Variants in PHACTR2 observed in about 807,000 individuals in gnomAD.
PHACTR2 encodes chromosome 6 open reading frame 56.
A neutral mutation model predicts 76.0 loss-of-function variants in PHACTR2; 30 were observed. That is an observed-to-expected ratio of 0.39 (90% CI 0.30 to 0.54). The LOEUF is 0.54. Among genes scored for constraint, PHACTR2 ranks in the 20% least tolerant of loss-of-function variants. PHACTR2 has a pLI of 0.61. For missense variants in PHACTR2, 696 were observed against 781.1 expected (o/e 0.89, Z 1.30); for synonymous variants, 292 against 292.5 (o/e 1.00, Z 0.02).
rs747983320 is a variant in PHACTR2, at chr6:143,774,194, A to G, written c.1568A>G (p.Gln523Arg). 6.2e-7 allele frequency: 1 copy of G among 1,614,102 alleles called. No individual in the cohort carries two copies. The highest frequency in any genetic ancestry group is 2.2e-5 in the East Asian group (1 of 44,890). Residue 523 changes from glutamine (Q) to arginine (R), a missense_variant, in exon 8 of 13, where the codon CAA (glutamine) becomes CGA (arginine). Gln to Arg is a conservative substitution (Grantham distance 43). Transcript: ENST00000440869. This position sits in a 1 kb window ranked among gnomAD's most constrained non-coding sequence, Gnocchi z 5.4. The stretch of plus-strand genomic sequence containing the variant: ...GAAGAGAGGCAGGAAATCCGACAAC[A>G]AATTGGAACCAAGTTAGTCAGGTAA... The part of the protein sequence containing the change: ...SEEERQEIRQ[Q>R]IGTKLVRRLS...
At chr6:143,650,322 A>G (rs931800194) in intron 1 of PHACTR2, among the ~76,000 whole-genome samples, 4 of 152,238 alleles carry the variant, frequency 2.6e-5, no homozygotes, top group Admixed American at 2.0e-4. Flanking sequence ...CAATCTTCAC[A>G]GAATTAGAAA....
rs1003578255 is a variant in PHACTR2, at chr6:143,755,468, A to G, written c.454+1556A>G. On this transcript the variant is annotated intron_variant, in intron 4 of 12. Coordinates refer to ENST00000440869, the MANE Select transcript of PHACTR2 (RefSeq NM_001100164.2). This position sits in a 1 kb window ranked among gnomAD's most constrained non-coding sequence, Gnocchi z 5.2. ...CAAAGGAAGTGTTTCCCTTATCAAC[A>G]TAATAAAAAGTTCCTGACAGTTTTA... The G allele has an allele frequency of 2.4e-4, 98 of 405,032 alleles. No homozygotes were observed. Among genetic ancestry groups the G allele is most frequent in the East Asian group, 5.8e-4 (8 of 13,880 alleles). 25.1% of individuals were successfully genotyped at this position (405,032 alleles called of 1,614,324 possible).
At chr6:143,717,253 C>A (rs928361540) in intron 2 of PHACTR2, among the ~76,000 whole-genome samples, 26 of 152,288 alleles carry the variant, frequency 1.7e-4, no homozygotes, top group African/African-American at 6.3e-4. Flanking sequence ...ACCAATCATT[C>A]AAGGGTCAGT....
rs1249483522 is a variant in PHACTR2 at position 143,809,891 on chromosome 6, CT to C, written c.1922+2762del. Among the ~76,000 whole-genome samples, 3 of 152,070 alleles carry C rather than the reference CT, an allele frequency of 2.0e-5. No individual in the cohort carries two copies. Among genetic ancestry groups the C allele is most frequent in the Non-Finnish European group, 4.4e-5 (3 of 68,016 alleles). On this transcript the variant is annotated intron_variant, in intron 12 of 12. Coordinates refer to ENST00000440869, the MANE Select transcript of PHACTR2 (RefSeq NM_001100164.2). The surrounding 1 kb of genome is among the most constrained non-coding windows in gnomAD (Gnocchi z 4.2). ...CTTGGGGAGGCCGAGGTGGGCAGAT[CT>C]TTTGAGCTCAGGAGTTCGAGACCAG...
intron 5 of PHACTR2, among the ~76,000 whole-genome samples, chr6:143,762,890 A>G (rs1374167271): frequency 1.3e-5 from 2 of 152,142 alleles, no homozygotes; most frequent in Admixed American, 6.5e-5. Context: ...TTTTTTTATC[A>G]TGCCCTTAAT....
Position 143,774,032 on chromosome 6 carries a change from G to A in PHACTR2, c.1433-27G>A. On this transcript the variant is annotated intron_variant, in intron 7 of 12. Coordinates refer to ENST00000440869, the MANE Select transcript of PHACTR2 (RefSeq NM_001100164.2). This position sits in a 1 kb window ranked among gnomAD's most constrained non-coding sequence, Gnocchi z 5.4. Reference sequence around the variant, plus strand: ...CCACTGGCTAAAAGCCTCTCTCTCTGCATTTCTGCTCTTTTTCAATCCTCA... The same window carrying A: ...CCACTGGCTAAAAGCCTCTCTCTCTACATTTCTGCTCTTTTTCAATCCTCA... The A allele has an allele frequency of 1.2e-6, 2 of 1,607,278 alleles. No individual in the cohort carries two copies. Among genetic ancestry groups the A allele is most frequent in the Non-Finnish European group, 1.7e-6 (2 of 1,175,640 alleles).
At position 143,695,644 on chromosome 6, in the gene PHACTR2, C is replaced by T. The variant is rs1469257893; in HGVS notation, c.47-16372C>T. Among the ~76,000 whole-genome samples the T allele has an allele frequency of 2.0e-5, 3 of 152,162 alleles. No individual in the cohort carries two copies. Among genetic ancestry groups the T allele is most frequent in the Non-Finnish European group, 2.9e-5 (2 of 68,024 alleles). On this transcript the variant is annotated intron_variant, in intron 1 of 12. Transcript: ENST00000440869. The surrounding 1 kb of genome is among the most constrained non-coding windows in gnomAD (Gnocchi z 4.4). ...GGAAGGGCAGAATAAACAGAGGGCC[C>T]TTTGATAATGATTTCTTAGCCAGTC...
rs1778966757 is a variant in PHACTR2, at chr6:143,742,442, G to A, written c.215-6543G>A. Among the ~76,000 whole-genome samples, 2 of 152,230 alleles carry A rather than the reference G, an allele frequency of 1.3e-5. No individual in the cohort carries two copies. Among genetic ancestry groups the A allele is most frequent in the Non-Finnish European group, 2.9e-5 (2 of 68,034 alleles). On this transcript the variant is annotated intron_variant, in intron 2 of 12. Coordinates refer to ENST00000440869, the MANE Select transcript of PHACTR2 (RefSeq NM_001100164.2). The surrounding 1 kb of genome is among the most constrained non-coding windows in gnomAD (Gnocchi z 4.5). ...CTGGTTTTAACAGCTCCAGAAGAAA[G>A]AGAAAGCCTTGCTTTCCTATTGTTC...
At position 143,558,014 on chromosome 6, in the gene PHACTR2, C is replaced by A. The variant is rs537435452; in HGVS notation, c.217+20807C>A. On this transcript the variant is annotated intron_variant, in intron 1 of 11. Transcript: ENST00000367584. The surrounding 1 kb of genome is among the most constrained non-coding windows in gnomAD (Gnocchi z 4.7). The stretch of plus-strand genomic sequence containing the variant: ...TGTACCTCACCTGCTTCAGGAGACA[C>A]CAGACTGAACTCTTTCTCTCTGACG... 1 of 152,220 alleles carries A rather than the reference C, an allele frequency of 6.6e-6. No homozygotes were observed. The highest frequency in any genetic ancestry group is 6.5e-5 in the Admixed American group (1 of 15,290). 9.4% of individuals were successfully genotyped at this position (152,220 alleles called of 1,614,324 possible).
intron 1 of PHACTR2, among the ~76,000 whole-genome samples, chr6:143,567,282 C>T (rs1384361570): frequency 6.6e-6 from 1 of 152,120 alleles, no homozygotes; most frequent in African/African-American, 2.4e-5. Flanking sequence ...ATTCATGGTT[C>T]CCTCCCTCTC....
upstream of PHACTR2, among the ~76,000 whole-genome samples, chr6:143,676,023 T>G (rs146149509): frequency 6.4e-3 from 974 of 152,320 alleles, 12 homozygotes; most frequent in African/African-American, 0.021. This position sits in a 1 kb window ranked among gnomAD's most constrained non-coding sequence, Gnocchi z 4.8. Context: ...AATGCCAAGT[T>G]CCATCAGAAG....
Position 143,648,893 on chromosome 6 carries a change from TG to T in PHACTR2, c.13+40572del, listed in dbSNP as rs1776706511. Among the ~76,000 whole-genome samples, 1 of 40,640 alleles carries T rather than the reference TG, an allele frequency of 2.5e-5. No homozygotes were observed. The highest frequency in any genetic ancestry group is 5.6e-5 in the Non-Finnish European group (1 of 17,984). The allele number at this position is 40,640 out of a possible 152,430, so 26.7% of individuals were successfully genotyped here. ...ATGCATATGTGTCTATGTATGTTTG[TG>T]TGTGTGTGTGTGTCTGTCTGGGTCT... On this transcript the variant is annotated intron_variant, in intron 1 of 11. Coordinates refer to the PHACTR2 transcript ENST00000305766. This position sits in a 1 kb window ranked among gnomAD's most constrained non-coding sequence, Gnocchi z 6.7.
intron 2 of PHACTR2, among the ~76,000 whole-genome samples, chr6:143,721,262 G>C (rs2128463333): frequency 6.6e-6 from 1 of 152,188 alleles, no homozygotes; most frequent in East Asian, 1.9e-4. Flanking sequence ...TGGTGTCTCT[G>C]GTACTGCATT....
intron 1 of PHACTR2, among the ~76,000 whole-genome samples, chr6:143,645,588 T>C (rs138474286): frequency 1.4e-4 from 21 of 152,354 alleles, no homozygotes; most frequent in African/African-American, 5.1e-4. Context: ...GGTTGTATTA[T>C]TGATAGGTGA....
In PHACTR2 at chr6:143,536,980, G is replaced by C; in HGVS notation, c.-11G>C. The C allele has an allele frequency of 6.4e-6, 1 of 156,214 alleles. No individual in the cohort carries two copies. Among genetic ancestry groups the C allele is most frequent in the Non-Finnish European group, 1.4e-5 (1 of 71,920 alleles). The allele number at this position is 156,214 out of a possible 1,614,324, so 9.7% of individuals were successfully genotyped here. A position where few individuals can be genotyped will look rare whatever the true frequency, so the allele number is the denominator to read the frequency against. ...CCCCACCCGGTGCTCCGGCCCCGCC[G>C]CCGGGAGCCGATGGCCGAGGCGGGC... is the stretch of plus-strand genomic sequence containing the variant. On this transcript the variant is annotated 5_prime_UTR_variant, in exon 1 of 12. Coordinates refer to the PHACTR2 transcript ENST00000367584. This position sits in a 1 kb window ranked among gnomAD's most constrained non-coding sequence, Gnocchi z 5.4.
At chr6:143,758,434 A>G (rs1000672110) in intron 4 of PHACTR2, among the ~76,000 whole-genome samples, 3 of 152,228 alleles carry the variant, frequency 2.0e-5, no homozygotes, top group East Asian at 1.9e-4. Context: ...GACTTCAACC[A>G]TATGTCAGAA....
chr6:143,557,389 C>T lies in PHACTR2; in HGVS notation c.217+20182C>T, dbSNP rs536671835. On this transcript the variant is annotated intron_variant, in intron 1 of 11. Coordinates refer to the PHACTR2 transcript ENST00000367584. This position sits in a 1 kb window ranked among gnomAD's most constrained non-coding sequence, Gnocchi z 5.5. ...GAGGCAGAATTTAAAGCCAAGTCTT[C>T]TGAGTCCAAGTTCAGGGCTGCTGCC... is the stretch of plus-strand genomic sequence containing the variant. 6.6e-6 allele frequency: 1 copy of T among 152,342 alleles called. No homozygotes were observed. The highest frequency in any genetic ancestry group is 2.1e-4 in the South Asian group (1 of 4,822). 9.4% of individuals were successfully genotyped at this position (152,342 alleles called of 1,614,324 possible).
rs943005453 is a variant in PHACTR2 at position 143,654,131 on chromosome 6, A to G, written c.13+45809A>G. Among the ~76,000 whole-genome samples the G allele has an allele frequency of 1.1e-4, 16 of 152,376 alleles. No individual in the cohort carries two copies. Among genetic ancestry groups the G allele is most frequent in the African/African-American group, 3.6e-4 (15 of 41,600 alleles). On this transcript the variant is annotated intron_variant, in intron 1 of 11. Transcript: ENST00000305766. The surrounding 1 kb of genome is among the most constrained non-coding windows in gnomAD (Gnocchi z 4.6). ...AAGATGCTCAGCATCATTAACCATC[A>G]GGGAAATACAAATCAAAACCACAAG...
Position 143,688,361 on chromosome 6 carries a change from G to A in PHACTR2, c.46+10152G>A, listed in dbSNP as rs1221489247. ...GGGGTGAGGGGTGGGTAGAGAAATGGGAGTAGGGTCTCACCCAACTCTCAA... is the reference window on the plus strand; with the variant it reads ...GGGGTGAGGGGTGGGTAGAGAAATGAGAGTAGGGTCTCACCCAACTCTCAA... On this transcript the variant is annotated intron_variant, in intron 1 of 12. Coordinates refer to ENST00000440869, the MANE Select transcript of PHACTR2 (RefSeq NM_001100164.2). This position sits in a 1 kb window ranked among gnomAD's most constrained non-coding sequence, Gnocchi z 5.2. Among the ~76,000 whole-genome samples the A allele has an allele frequency of 6.6e-6, 1 of 152,022 alleles. No individual in the cohort carries two copies. Among genetic ancestry groups the A allele is most frequent in the African/African-American group, 2.4e-5 (1 of 41,384 alleles).
Sources: allele counts gnomAD v4.1 joint callset (sites outside exome capture counted in the v4.1 genomes callset), GRCh38; gene constraint gnomAD v4.1.1; non-coding constraint Gnocchi (gnomAD v3.1); transcripts MANE v1.5; gene names NCBI Gene and HGNC (gene_info 2026-07-23, HGNC 2026-07-21).